SNAP47: variants seen among roughly 807,000 people sequenced by gnomAD.
SNAP47 encodes the protein synaptosomal-associated protein 47.
Under a neutral mutation model 31.4 loss-of-function variants are expected in SNAP47, and 20 were observed. That is an observed-to-expected ratio of 0.64 (90% CI 0.45 to 0.93). The LOEUF is 0.93. Ranked by LOEUF, SNAP47 falls within the 40% of genes least tolerant of loss-of-function variation. SNAP47 has a pLI of 0.00. For synonymous variants in SNAP47, 194 were observed against 213.4 expected, an observed-to-expected ratio of 0.91 and a Z score of 0.79; for missense variants, 492 against 528.5, an observed-to-expected ratio of 0.93 and a Z score of 0.68.
At chr1:227,754,246 G>C (rs1662556451) in intron 2 of SNAP47, among the ~76,000 whole-genome samples, 1 of 152,244 alleles carries the variant, frequency 6.6e-6, no homozygotes, top group African/African-American at 2.4e-5. Flanking sequence ...TGGTGCCTGT[G>C]TGCATTCCTC....
chr1:227,741,545 C>T lies in SNAP47; in HGVS notation c.-46+6046C>T, dbSNP rs143866243. Among the ~76,000 whole-genome samples, 4 of 152,266 alleles carry T rather than the reference C, an allele frequency of 2.6e-5. No homozygotes were observed. The highest frequency in any genetic ancestry group is 1.9e-4 in the East Asian group (1 of 5,170). ...CCCCAGCAGAGCTGTGTAGTGGTGA[C>T]GGAGACCATGCGTGGTCCTTCACGG... On this transcript the variant is annotated intron_variant, in intron 1 of 4. Coordinates refer to ENST00000617596, the MANE Select transcript of SNAP47 (RefSeq NM_053052.4). The surrounding 1 kb of genome is among the most constrained non-coding windows in gnomAD (Gnocchi z 4.2).
chr1:227,755,579 G>T (rs1448569596), intron 2 of SNAP47, among the ~76,000 whole-genome samples: 1 of 152,214 alleles, frequency 6.6e-6, no homozygotes, highest in East Asian at 1.9e-4. Flanking sequence ...TAGAGACAGG[G>T]TTTTGCCATG....
At position 227,759,252 on chromosome 1, in the gene SNAP47, G is replaced by C. The variant is rs771141452; in HGVS notation, c.755G>C (p.Arg252Thr). The change falls in exon 3 of 5, where the codon AGA (arginine) becomes ACA (threonine). Residue 252 changes from arginine to threonine, a missense_variant. Coordinates refer to ENST00000617596, the MANE Select transcript of SNAP47 (RefSeq NM_053052.4). ...TCTTTGCTCATGCACAGGTTTGAAAGAGAAGACGTGGACGACATCAAGGTC... is the reference window on the plus strand; with the variant it reads ...TCTTTGCTCATGCACAGGTTTGAAACAGAAGACGTGGACGACATCAAGGTC... ...SSSLLMHRFE[R>T]EDVDDIKVHS... is the part of the protein sequence containing the mutation. 9.9e-6 allele frequency: 16 copies of C among 1,614,222 alleles called. No homozygotes were observed. Among genetic ancestry groups the C allele is most frequent in the Non-Finnish European group, 1.4e-5 (16 of 1,180,044 alleles).
At chr1:227,734,673 G>A (rs1185448031), upstream of SNAP47, 2 of 1,614,116 alleles carry the variant, frequency 1.2e-6, no homozygotes, top group South Asian at 1.1e-5. Context: ...CAGTCTTTGA[G>A]GTAGAGACAG....
rs1441026181 is a variant in SNAP47, at chr1:227,748,268, CAG to C, written c.497+38_497+39del. On this transcript the variant is annotated intron_variant, in intron 2 of 4. Transcript: ENST00000617596. ...CTGTGTACACTTTGCAAGGCACACA[CAG>C]AGTAAGATGCACATGTGTGGAGGCT... is the stretch of plus-strand genomic sequence containing the variant. The C allele has an allele frequency of 1.1e-5, 17 of 1,511,500 alleles. No homozygotes were observed. The Middle Eastern group carries it at 6.7e-4, about 59-fold the overall frequency. The allele number at this position is 1,511,500 out of a possible 1,614,324, so 93.6% of individuals were successfully genotyped here.
At chr1:227,768,771 T>A (rs1388237123) in intron 4 of SNAP47, among the ~76,000 whole-genome samples, 2 of 152,184 alleles carry the variant, frequency 1.3e-5, no homozygotes, top group Non-Finnish European at 2.9e-5. Context: ...GAAATCCCAA[T>A]ACTGTAAAGA....
At chr1:227,772,050 C>T (rs1303456094) in intron 4 of SNAP47, among the ~76,000 whole-genome samples, 2 of 152,110 alleles carry the variant, frequency 1.3e-5, no homozygotes, top group African/African-American at 4.8e-5. Context: ...TTGGAGGACT[C>T]ACCCCACCCC....
chr1:227,780,761 G>A lies in SNAP47; in HGVS notation c.*88G>A. 1 of 1,561,344 alleles carries A rather than the reference G, an allele frequency of 6.4e-7. No homozygotes were observed. Among genetic ancestry groups the A allele is most frequent in the Non-Finnish European group, 8.7e-7 (1 of 1,151,646 alleles). ...GGCAGTGCCAGGGCTGCAGAGGCCTGTGGCCCTCCGGAGTGGTCTTCCTCT... is the reference window on the plus strand; with the variant it reads ...GGCAGTGCCAGGGCTGCAGAGGCCTATGGCCCTCCGGAGTGGTCTTCCTCT... On this transcript the variant is annotated 3_prime_UTR_variant, in exon 5 of 5. Transcript: ENST00000617596.
At chr1:227,731,851 C>CACCGTCCTCAGCGGCTG, upstream of SNAP47, 3 of 161,304 alleles carry the variant, frequency 1.9e-5, no homozygotes, top group South Asian at 3.4e-4. Context: ...CCCAACCCAG[C>CACCGTCCTCAGCGGCTG]CCTCCACTCT....
Position 227,762,540 on chromosome 1 carries a change from C to A in SNAP47, c.988+3055C>A, listed in dbSNP as rs947821265. Among the ~76,000 whole-genome samples, 6 of 152,216 alleles carry A rather than the reference C, an allele frequency of 3.9e-5. No homozygotes were observed. The highest frequency in any genetic ancestry group is 1.4e-4 in the African/African-American group (6 of 41,456). On this transcript the variant is annotated intron_variant, in intron 3 of 4. Coordinates refer to ENST00000617596, the MANE Select transcript of SNAP47 (RefSeq NM_053052.4). The surrounding 1 kb of genome is among the most constrained non-coding windows in gnomAD (Gnocchi z 4.2). ...ACTGTGGGCTCCCTGGAGGTGGAAA[C>A]CATGACGGATGTCTCAGAAATCCCT...
At chr1:227,732,763 C>T (rs1273295248), upstream of SNAP47, 18 of 1,589,526 alleles carry the variant, frequency 1.1e-5, no homozygotes, top group Middle Eastern at 5.1e-4. Context: ...TCCCCAAGGA[C>T]GAAGAAGGGA....
At chr1:227,757,193 A>T (rs1223264858) in intron 2 of SNAP47, among the ~76,000 whole-genome samples, 2 of 152,194 alleles carry the variant, frequency 1.3e-5, no homozygotes, top group East Asian at 3.8e-4. Flanking sequence ...CTATGGCATG[A>T]TTTTGGAACC....
intron 1 of SNAP47, 89 bp from the exon 2 acceptor site, chr1:227,747,603 G>T: frequency 7.3e-7 from 1 of 1,377,304 alleles, no homozygotes; most frequent in South Asian, 1.4e-5. Context: ...TGTGAGCCCA[G>T]AGCCGCAGGG....
chr1:227,778,553 T>G (rs1028072327), intron 4 of SNAP47, among the ~76,000 whole-genome samples: 1 of 152,186 alleles, frequency 6.6e-6, no homozygotes, highest in Non-Finnish European at 1.5e-5. Context: ...AGGGACAGTG[T>G]GAGTGTGCAG....
chr1:227,746,330 G>T, intron 1 of SNAP47: 1 of 152,344 alleles, frequency 6.6e-6, no homozygotes, highest in Non-Finnish European at 1.5e-5. Flanking sequence ...AGCCCCCACA[G>T]TCCAGCCACA....
intron 4 of SNAP47, chr1:227,776,794 A>G (rs940549453): frequency 6.1e-6 from 6 of 985,458 alleles, no homozygotes; most frequent in Non-Finnish European, 7.2e-6. Flanking sequence ...TTTTTGCACT[A>G]TTAATTAACT....
At chr1:227,778,489 C>T (rs1050217271) in intron 4 of SNAP47, among the ~76,000 whole-genome samples, 8 of 152,324 alleles carry the variant, frequency 5.3e-5, no homozygotes, top group Non-Finnish European at 4.4e-5. Context: ...GACCAGATCC[C>T]GAGCGGATCC....
chr1:227,735,572 C>T, intron 1 of SNAP47, 73 bp downstream of exon 1: 5 of 1,341,932 alleles, frequency 3.7e-6, no homozygotes, highest in Non-Finnish European at 4.8e-6. Flanking sequence ...GCTCAGTCCG[C>T]GCGCTGTGGC....
chr1:227,732,811 C>A (rs1660753678), upstream of SNAP47: 32 of 1,600,234 alleles, frequency 2.0e-5, no homozygotes, highest in Non-Finnish European at 2.6e-5. Context: ...GCGCGGTGAC[C>A]AAGGGAGTCT....
Sources: gnomAD v4.1 joint callset for allele counts (sites outside exome capture counted in the v4.1 genomes callset) on GRCh38, gnomAD v4.1.1 for gene constraint, Gnocchi (gnomAD v3.1) non-coding constraint, MANE v1.5 for transcripts, NCBI Gene and HGNC (gene_info 2026-07-23, HGNC 2026-07-21) for gene names.